Variants in CEMIP observed in about 807,000 individuals in gnomAD.
The protein encoded by CEMIP is cell migration inducing hyaluronidase 1.
CEMIP carries 105 observed loss-of-function variants against 156.9 expected under a neutral mutation model. The ratio of observed to expected loss-of-function variants is 0.67; its 90% CI spans 0.57 to 0.79. The LOEUF is 0.79. Ranked by LOEUF, CEMIP falls within the 30% of genes least tolerant of loss-of-function variation. CEMIP has a pLI of 0.00. For synonymous variants in CEMIP, 676 were observed against 668.4 expected, an observed-to-expected ratio of 1.01 and a Z score of -0.17; for missense variants, 1,457 against 1,769.4, an observed-to-expected ratio of 0.82 and a Z score of 3.17.
chr15:80,830,001 T>TGTGTGTGCGC (rs1297001861), intron 1 of CEMIP, among the ~76,000 whole-genome samples: 6 of 81,476 alleles, frequency 7.4e-5, no homozygotes, highest in African/African-American at 2.7e-4. Flanking sequence ...TGTGTGTGTG[T>TGTGTGTGCGC]GCGCGCATGT....
At chr15:80,901,428 G>A (rs11633917) in intron 12 of CEMIP, among the ~76,000 whole-genome samples, 25,757 of 152,104 alleles carry the variant, frequency 0.17, 2,381 homozygotes, top group South Asian at 0.25. Context: ...CTGGCCAGGC[G>A]TGGTGGCTTA....
intron 1 of CEMIP, among the ~76,000 whole-genome samples, chr15:80,797,150 C>T (rs752344779): frequency 6.6e-6 from 1 of 152,154 alleles, no homozygotes; most frequent in Non-Finnish European, 1.5e-5. Context: ...CTGGCCAGAA[C>T]TGCCTACGGG....
At chr15:80,878,652 T>C in intron 3 of CEMIP, 69 bp from the exon 4 acceptor site, 2 of 1,606,272 alleles carry the variant, frequency 1.2e-6, no homozygotes, top group Non-Finnish European at 1.7e-6. Flanking sequence ...GAGCCCCCTT[T>C]TGGCCTGTAG....
intron 1 of CEMIP, among the ~76,000 whole-genome samples, chr15:80,811,714 C>G (rs1351070455): frequency 6.6e-6 from 1 of 151,994 alleles, no homozygotes; most frequent in African/African-American, 2.4e-5. Context: ...GCCACTAGGC[C>G]CGCCTAATGT....
chr15:80,823,812 A>G (rs928779902), intron 1 of CEMIP, among the ~76,000 whole-genome samples: 2 of 152,222 alleles, frequency 1.3e-5, no homozygotes, highest in African/African-American at 4.8e-5. Context: ...ATACAAGAAA[A>G]AAGACGATGG....
intron 1 of CEMIP, among the ~76,000 whole-genome samples, chr15:80,848,806 G>T (rs922499486): frequency 3.3e-5 from 5 of 151,686 alleles, no homozygotes; most frequent in African/African-American, 1.2e-4. Flanking sequence ...AATGGACCTT[G>T]CAGGGTCACT....
At position 80,807,946 on chromosome 15, in the gene CEMIP, A is replaced by G. The variant is rs141273086; in HGVS notation, c.-176+28332A>G. ...TCCTGGACAGGGAGCACTTGTCCGC[A>G]GGCTCCTGCTGACAGCGTCCACTTG... On this transcript the variant is annotated intron_variant, in intron 1 of 29. Coordinates refer to ENST00000394685, the MANE Select transcript of CEMIP (RefSeq NM_001293298.2). Among the ~76,000 whole-genome samples the G allele has an allele frequency of 1.7e-3, 264 of 152,276 alleles. 1 individual carries two copies. Among genetic ancestry groups the G allele is most frequent in the Admixed American group, 4.0e-3 (61 of 15,296 alleles).
At chr15:80,847,019 G>T (rs562828359) in intron 1 of CEMIP, among the ~76,000 whole-genome samples, 3 of 152,310 alleles carry the variant, frequency 2.0e-5, no homozygotes, top group Admixed American at 6.5e-5. Flanking sequence ...TTCTCCAGGT[G>T]GTTCTTATGT....
Position 80,932,118 on chromosome 15 carries a change from T to G in CEMIP, c.2793+79T>G. The G allele has an allele frequency of 6.6e-7, 1 of 1,525,920 alleles. No homozygotes were observed. Among genetic ancestry groups the G allele is most frequent in the South Asian group, 1.1e-5 (1 of 89,178 alleles). The allele number at this position is 1,525,920 out of a possible 1,614,324, so 94.5% of individuals were successfully genotyped here. ...TCACAAGTCCCCTGGGTCCCAGAGTTTGAGCTATTGCCACCACCGCAGGGG... is the reference window on the plus strand; with the variant it reads ...TCACAAGTCCCCTGGGTCCCAGAGTGTGAGCTATTGCCACCACCGCAGGGG... On this transcript the variant is annotated intron_variant, in intron 22 of 29. Transcript: ENST00000394685. This position sits in a 1 kb window ranked among gnomAD's most constrained non-coding sequence, Gnocchi z 4.5.
intron 14 of CEMIP, among the ~76,000 whole-genome samples, chr15:80,917,949 G>A (rs2141914735): frequency 6.6e-6 from 1 of 152,350 alleles, no homozygotes; most frequent in East Asian, 1.9e-4. Context: ...AAGAATGGCT[G>A]CCTGGGAGTT....
rs764939840 is a variant in CEMIP, at chr15:80,906,696, T to C, written c.1445T>C (p.Ile482Thr). The C allele has an allele frequency of 1.9e-6, 3 of 1,614,134 alleles. No homozygotes were observed. Among genetic ancestry groups the C allele is most frequent in the Non-Finnish European group, 8.5e-7 (1 of 1,180,008 alleles). ...ATGTACCTGCACATCGGGGAGGAGA[T>C]AGACGGCGTGGACATGCGGGCGGAG... Reference protein sequence around the residue: ...KPMYLHIGEEIDGVDMRAEVG... With the variant: ...KPMYLHIGEETDGVDMRAEVG... Residue 482 changes from isoleucine to threonine, a missense_variant, in exon 13 of 30, where the codon ATA becomes ACA. By Grantham distance (89) the Ile-to-Thr change is moderately conservative (BLOSUM62 -1). Around this residue, in one of 5 missense-constraint regions of CEMIP, gnomAD observed 280 missense variants for 300.3 expected, o/e 0.93. Coordinates refer to ENST00000394685, the MANE Select transcript of CEMIP (RefSeq NM_001293298.2). This position sits in a 1 kb window ranked among gnomAD's most constrained non-coding sequence, Gnocchi z 4.3.
At chr15:80,852,611 T>TAC (rs1897741180) in intron 1 of CEMIP, among the ~76,000 whole-genome samples, 2 of 152,168 alleles carry the variant, frequency 1.3e-5, no homozygotes, top group African/African-American at 4.8e-5. Context: ...GTTTAAAATA[T>TAC]ATATATATAT....
At chr15:80,853,307 C>T (rs998552567) in intron 1 of CEMIP, among the ~76,000 whole-genome samples, 1 of 152,154 alleles carries the variant, frequency 6.6e-6, no homozygotes, top group Non-Finnish European at 1.5e-5. Flanking sequence ...TAGGGAGTGT[C>T]TCCTAGCTTC....
At chr15:80,933,602 A>G (rs1901010650) in intron 23 of CEMIP, 142 bp downstream of exon 23, 1 of 665,666 alleles carries the variant, frequency 1.5e-6, no homozygotes, top group African/African-American at 1.8e-5. Context: ...CTTTCCTTTT[A>G]TTTTTTCCCC....
intron 14 of CEMIP, among the ~76,000 whole-genome samples, chr15:80,913,602 G>A (rs1900149065): frequency 6.6e-6 from 1 of 152,212 alleles, no homozygotes; most frequent in South Asian, 2.1e-4. Context: ...AGTTCAAAGG[G>A]TCTTTAGGAA....
At chr15:80,885,602 T>A (rs1418333166) in intron 7 of CEMIP, among the ~76,000 whole-genome samples, 1 of 152,212 alleles carries the variant, frequency 6.6e-6, no homozygotes, top group African/African-American at 2.4e-5. Context: ...GGGCCCAAGA[T>A]CTGGCATCCA....
intron 1 of CEMIP, among the ~76,000 whole-genome samples, chr15:80,858,286 G>C (rs1897900288): frequency 6.6e-6 from 1 of 152,068 alleles, no homozygotes; most frequent in Non-Finnish European, 1.5e-5. Context: ...TTCCAATGTG[G>C]GTCACATTTT....
rs923559290 is a variant in CEMIP, at chr15:80,932,626, C to T, written c.2793+587C>T. 1.3e-5 allele frequency among the ~76,000 whole-genome samples: 2 copies of T among 152,174 alleles called. No homozygotes were observed. Among genetic ancestry groups the T allele is most frequent in the Non-Finnish European group, 2.9e-5 (2 of 68,030 alleles). ...ATTCCCAGACTTTTCCCTCCTTCTC[C>T]TCCCTGCTCCTGCCTTTTGCCTGTT... On this transcript the variant is annotated intron_variant, in intron 22 of 29. Transcript: ENST00000394685. The surrounding 1 kb of genome is among the most constrained non-coding windows in gnomAD (Gnocchi z 4.5).
At chr15:80,905,556 T>C (rs1210807736) in intron 12 of CEMIP, among the ~76,000 whole-genome samples, 6 of 151,834 alleles carry the variant, frequency 4.0e-5, no homozygotes, top group African/African-American at 1.5e-4. Flanking sequence ...AGTGGAGTGA[T>C]GGGAGGGAGA....
Sources: allele counts gnomAD v4.1 joint callset (sites outside exome capture counted in the v4.1 genomes callset), GRCh38; gene constraint gnomAD v4.1.1; regional missense constraint gnomAD v4.1.1; non-coding constraint Gnocchi (gnomAD v3.1); transcripts MANE v1.5; gene names NCBI Gene and HGNC (gene_info 2026-07-23, HGNC 2026-07-21).